RAB3B: variants seen among roughly 807,000 people sequenced by gnomAD.
The protein encoded by RAB3B is RAB3B, member RAS oncogene family.
Under a neutral mutation model 20.5 loss-of-function variants are expected in RAB3B, and 11 were observed. The observed-to-expected ratio is 0.54, with a 90% CI of 0.34 to 0.89. The LOEUF is 0.89. Ranked by LOEUF, RAB3B falls within the 40% of genes least tolerant of loss-of-function variation. The pLI, the probability that RAB3B is intolerant of heterozygous loss-of-function variation, is 0.02. For missense variants in RAB3B, 225 were observed against 280.9 expected (o/e 0.80, Z 1.42); for synonymous variants, 99 against 106.3 (o/e 0.93, Z 0.42).
intron 1 of RAB3B, among the ~76,000 whole-genome samples, chr1:51,979,988 C>T (rs1685065649): frequency 6.6e-6 from 1 of 152,032 alleles, no homozygotes; most frequent in African/African-American, 2.4e-5. Context: ...TTGTAGTGAG[C>T]TGAGATCCAG....
chr1:51,982,483 G>A (rs561367702), intron 1 of RAB3B, among the ~76,000 whole-genome samples: 1 of 152,278 alleles, frequency 6.6e-6, no homozygotes, highest in African/African-American at 2.4e-5. Context: ...GCTGGGCATG[G>A]TGGCTCAGAC....
At chr1:51,981,126 G>A (rs187903728) in intron 1 of RAB3B, among the ~76,000 whole-genome samples, 1 of 152,208 alleles carries the variant, frequency 6.6e-6, no homozygotes, top group Non-Finnish European at 1.5e-5. Flanking sequence ...GATCTCCTGG[G>A]CTCAAGCAAT....
At chr1:51,989,146 A>C (rs1685189055) in intron 1 of RAB3B, among the ~76,000 whole-genome samples, 2 of 57,662 alleles carry the variant, frequency 3.5e-5, no homozygotes, top group Admixed American at 2.0e-4. Flanking sequence ...CTCTCCTTTT[A>C]CTGTCTCCCA....
rs1362720478 is a variant in RAB3B, at chr1:51,912,576, TATATATATATATATATATATATATAA to T, written c.*7325_*7350del. ...AAAAATATATATATATATATATATA[TATATATATATATATATATATATATAA>T]AAAATGTTACTCCTGTGAGACAGAA... On this transcript the variant is annotated 3_prime_UTR_variant, in exon 5 of 5. Transcript: ENST00000371655. 78 of 19,102 alleles carry T rather than the reference TATATATATATATATATATATATATAA, an allele frequency of 4.1e-3. 23 individuals are homozygous for T. Among genetic ancestry groups the T allele is most frequent in the Non-Finnish European group, 8.7e-3 (69 of 7,948 alleles). The allele number at this position is 19,102 out of a possible 1,614,324, so 1.2% of individuals were successfully genotyped here.
chr1:51,921,909 G>T (rs1684177400), intron 4 of RAB3B, among the ~76,000 whole-genome samples: 1 of 152,140 alleles, frequency 6.6e-6, no homozygotes, highest in African/African-American at 2.4e-5. Context: ...CCATAGAGAG[G>T]GCTGAAGCCC....
At chr1:51,939,567 C>T (rs1034116308) in intron 2 of RAB3B, among the ~76,000 whole-genome samples, 12 of 152,092 alleles carry the variant, frequency 7.9e-5, no homozygotes, top group African/African-American at 2.7e-4. Flanking sequence ...GGACTACAGG[C>T]GCTCGCCAGT....
chr1:51,981,287 CA>C (rs1029260546), intron 1 of RAB3B, among the ~76,000 whole-genome samples: 1 of 152,182 alleles, frequency 6.6e-6, no homozygotes, highest in Non-Finnish European at 1.5e-5. Context: ...CGTGGCCTCC[CA>C]AAGTGCTAGA....
At chr1:51,966,352 G>C (rs1472101007) in intron 2 of RAB3B, among the ~76,000 whole-genome samples, 2 of 152,168 alleles carry the variant, frequency 1.3e-5, no homozygotes, top group South Asian at 4.1e-4. Context: ...TCACATTGTA[G>C]CTGTTTCTTT....
chr1:51,920,040 T>G lies in RAB3B; in HGVS notation c.547A>C (p.Ile183Leu), dbSNP rs1557960994. ...RQAFERLVDA[I>L]CDKMSDSLDT... is the part of the protein sequence containing the mutation. ...AGCGAATCAGACATCTTGTCACAAA[T>G]GGCATCCACCAGGCGCTCAAAGGCC... Residue 183 changes from isoleucine (I) to leucine (L), a missense_variant, in exon 5 of 5, where the codon ATT becomes CTT. Ile to Leu is a conservative substitution (Grantham distance 5). Transcript: ENST00000371655. 1.5e-5 allele frequency: 24 copies of G among 1,614,130 alleles called. No homozygotes were observed. The highest frequency in any genetic ancestry group is 1.9e-5 in the Non-Finnish European group (22 of 1,180,000).
intron 1 of RAB3B, among the ~76,000 whole-genome samples, chr1:51,986,301 C>T (rs953719273): frequency 2.0e-5 from 3 of 152,074 alleles, no homozygotes; most frequent in Non-Finnish European, 2.9e-5. Flanking sequence ...CAGACACCCG[C>T]CACCATACCC....
chr1:51,922,657 C>A (rs566657610), intron 4 of RAB3B, among the ~76,000 whole-genome samples: 19 of 151,608 alleles, frequency 1.3e-4, no homozygotes, highest in Non-Finnish European at 1.9e-4. Flanking sequence ...CACTTAGGGT[C>A]AATCAATAAG....
At chr1:51,979,973 G>A (rs775568035) in intron 1 of RAB3B, among the ~76,000 whole-genome samples, 10 of 151,924 alleles carry the variant, frequency 6.6e-5, no homozygotes, top group Non-Finnish European at 8.8e-5. Flanking sequence ...CCAGGGAGGC[G>A]GAGCTTGTAG....
chr1:51,925,568 A>G (rs1684232910), intron 4 of RAB3B, among the ~76,000 whole-genome samples: 1 of 152,238 alleles, frequency 6.6e-6, no homozygotes, highest in South Asian at 2.1e-4. Context: ...ACTATGCTCC[A>G]GAAACATCAG....
At chr1:51,946,523 A>G (rs1020039996) in intron 2 of RAB3B, among the ~76,000 whole-genome samples, 1 of 152,228 alleles carries the variant, frequency 6.6e-6, no homozygotes, top group African/African-American at 2.4e-5. Context: ...TCTACACAAC[A>G]GACATTCATT....
chr1:51,987,776 G>T (rs770975793), intron 1 of RAB3B, among the ~76,000 whole-genome samples: 1 of 152,074 alleles, frequency 6.6e-6, no homozygotes, highest in Non-Finnish European at 1.5e-5. Context: ...CGAAATCCAC[G>T]CCTACTCAAG....
intron 1 of RAB3B, among the ~76,000 whole-genome samples, chr1:51,989,154 C>T (rs1316365680): frequency 7.6e-6 from 1 of 131,968 alleles, no homozygotes; most frequent in African/African-American, 2.7e-5. Context: ...TTACTGTCTC[C>T]CACCCCTTTC....
In RAB3B at chr1:51,918,259, G is replaced by C. The variant is rs1438635846; in HGVS notation, c.*1668C>G. 1 of 152,168 alleles carries C rather than the reference G, an allele frequency of 6.6e-6. No homozygotes were observed. The highest frequency in any genetic ancestry group is 1.9e-4 in the East Asian group (1 of 5,196). The allele number at this position is 152,168 out of a possible 1,614,324, so 9.4% of individuals were successfully genotyped here. ...GAGTTCAATTTTCTCAATTTTTTCAGAGTCATGCCACCTTAAGATTTATTT... is the reference window on the plus strand; with the variant it reads ...GAGTTCAATTTTCTCAATTTTTTCACAGTCATGCCACCTTAAGATTTATTT... On this transcript the variant is annotated 3_prime_UTR_variant, in exon 5 of 5. Transcript: ENST00000371655.
At chr1:51,936,553 A>T (rs540961093) in intron 3 of RAB3B, among the ~76,000 whole-genome samples, 1 of 152,216 alleles carries the variant, frequency 6.6e-6, no homozygotes, top group Non-Finnish European at 1.5e-5. Context: ...AGCAGCACAC[A>T]AAACCCTTCA....
chr1:51,943,394 TAACAAC>T (rs926884803), intron 2 of RAB3B, among the ~76,000 whole-genome samples: 2 of 50,100 alleles, frequency 4.0e-5, no homozygotes, highest in Non-Finnish European at 1.0e-4. Context: ...AAAATAATAA[TAACAAC>T]AACAACAACA....
Sources: allele counts gnomAD v4.1 joint callset (sites outside exome capture counted in the v4.1 genomes callset), GRCh38; gene constraint gnomAD v4.1.1; transcripts MANE v1.5; gene names NCBI Gene and HGNC (gene_info 2026-07-23, HGNC 2026-07-21).